Variants in NPAS3 observed in about 807,000 individuals in gnomAD.
NPAS3 encodes neuronal PAS domain-containing protein 3.
In NPAS3, 14 loss-of-function variants were observed where a neutral mutation model predicts 73.1. The ratio of observed to expected loss-of-function variants is 0.19; its 90% CI spans 0.13 to 0.30. The LOEUF is 0.30. Among genes scored for constraint, NPAS3 ranks in the 10% least tolerant of loss-of-function variants. The pLI is 1.00. For synonymous variants in NPAS3, 620 were observed against 541.5 expected (o/e 1.14, Z -2.01); for missense variants, 1,096 against 1,250.0 (o/e 0.88, Z 1.86).
At chr14:33,027,905 T>G (rs76184462) in intron 1 of NPAS3, among the ~76,000 whole-genome samples, 3,777 of 152,268 alleles carry the variant, frequency 0.025, 157 homozygotes, top group African/African-American at 0.087. Context: ...TTCCTGTGCC[T>G]TCTTTTGTAT....
chr14:33,585,710 A>C (rs142919145), intron 5 of NPAS3, among the ~76,000 whole-genome samples: 1 of 152,196 alleles, frequency 6.6e-6, no homozygotes, highest in South Asian at 2.1e-4. Flanking sequence ...TAATGTTCCA[A>C]AGGGTTTACC....
At chr14:33,489,021 G>T (rs1035199230) in intron 4 of NPAS3, among the ~76,000 whole-genome samples, 2 of 152,130 alleles carry the variant, frequency 1.3e-5, no homozygotes, top group Non-Finnish European at 2.9e-5. Context: ...CCCTTAACTC[G>T]CTTTGAAGGT....
At chr14:33,392,148 A>C (rs375915191) in intron 4 of NPAS3, among the ~76,000 whole-genome samples, 1 of 152,232 alleles carries the variant, frequency 6.6e-6, no homozygotes, top group Non-Finnish European at 1.5e-5. Flanking sequence ...ACATGTGGGC[A>C]TCATCCCTCT....
chr14:33,202,622 C>T (rs1473600191), intron 2 of NPAS3, among the ~76,000 whole-genome samples: 1 of 151,658 alleles, frequency 6.6e-6, no homozygotes, highest in Non-Finnish European at 1.5e-5. Context: ...AAATTTCTTA[C>T]ACTGAGTATG....
chr14:33,726,652 TA>T (rs2061275030), intron 6 of NPAS3, among the ~76,000 whole-genome samples: 1 of 152,132 alleles, frequency 6.6e-6, no homozygotes, highest in African/African-American at 2.4e-5. Flanking sequence ...GAAATTATTG[TA>T]TCTATTTTTG....
chr14:33,659,794 G>T (rs551215892), intron 5 of NPAS3, among the ~76,000 whole-genome samples: 1 of 152,172 alleles, frequency 6.6e-6, no homozygotes, highest in East Asian at 1.9e-4. Context: ...TTGGGATTCT[G>T]TTGCTTTGTT....
chr14:33,741,457 T>A (rs1441185699), intron 7 of NPAS3, among the ~76,000 whole-genome samples: 1 of 152,188 alleles, frequency 6.6e-6, no homozygotes, highest in Non-Finnish European at 1.5e-5. Context: ...GTTATCCTGA[T>A]GAAAAATGCA....
At chr14:33,757,937 T>C (rs2062165711) in intron 7 of NPAS3, among the ~76,000 whole-genome samples, 1 of 152,208 alleles carries the variant, frequency 6.6e-6, no homozygotes, top group African/African-American at 2.4e-5. Flanking sequence ...TCAACACAGA[T>C]GGACTCTGAG....
At chr14:33,025,693 G>A (rs951296895) in intron 1 of NPAS3, among the ~76,000 whole-genome samples, 16 of 152,098 alleles carry the variant, frequency 1.1e-4, no homozygotes, top group African/African-American at 3.4e-4. Flanking sequence ...AAATTCTCAC[G>A]AGATCTGATG....
intron 4 of NPAS3, among the ~76,000 whole-genome samples, chr14:33,520,530 T>C (rs2053509896): frequency 6.6e-6 from 1 of 152,106 alleles, no homozygotes; most frequent in African/African-American, 2.4e-5. Context: ...TAAAGTTCTG[T>C]CAGATGATGT....
At chr14:33,543,983 A>ATATCTC (rs2054649654) in intron 4 of NPAS3, among the ~76,000 whole-genome samples, 1 of 36,660 alleles carries the variant, frequency 2.7e-5, no homozygotes, top group African/African-American at 2.6e-4. Context: ...ATATATATAT[A>ATATCTC]TATATATATA....
intron 4 of NPAS3, among the ~76,000 whole-genome samples, chr14:33,470,139 C>T (rs2050717667): frequency 6.6e-6 from 1 of 152,152 alleles, no homozygotes. Flanking sequence ...AGTCAAGGTC[C>T]TAAGACAAAG....
chr14:33,188,811 A>G (rs2046070636), intron 2 of NPAS3, among the ~76,000 whole-genome samples: 2 of 152,192 alleles, frequency 1.3e-5, no homozygotes, highest in South Asian at 4.1e-4. Context: ...TTACAGAATT[A>G]CTGTGGGTTA....
At chr14:33,684,577 C>T (rs1290767234) in intron 6 of NPAS3, among the ~76,000 whole-genome samples, 1 of 152,184 alleles carries the variant, frequency 6.6e-6, no homozygotes, top group Non-Finnish European at 1.5e-5. Flanking sequence ...GGATTATAGG[C>T]ATAAGCCGCC....
chr14:33,058,930 T>C (rs1327956704), intron 2 of NPAS3, among the ~76,000 whole-genome samples: 2 of 152,214 alleles, frequency 1.3e-5, no homozygotes, highest in Non-Finnish European at 2.9e-5. Context: ...GTCAGTCTTA[T>C]GAAAAGGGTT....
Position 33,560,212 on chromosome 14 carries a change from T to C in NPAS3, c.558+2T>C. The C allele has an allele frequency of 1.2e-6, 1 of 863,306 alleles. No individual in the cohort carries two copies. The highest frequency in any genetic ancestry group is 2.0e-6 in the Non-Finnish European group (1 of 497,118). The allele number at this position is 863,306 out of a possible 1,614,324, so 53.5% of individuals were successfully genotyped here. A position where few individuals can be genotyped will look rare whatever the true frequency, so the allele number is the denominator to read the frequency against. On this transcript the variant is annotated splice_donor_variant, in intron 5 of 11. Transcript: ENST00000356141. LOFTEE classifies it high-confidence loss of function. ...TCCATCTACCTAGGCCTCTCACAAG[T>C]AAGTAAAACAATTTTAGATTCTTGG... is the stretch of plus-strand genomic sequence containing the variant.
intron 4 of NPAS3, among the ~76,000 whole-genome samples, chr14:33,388,319 G>T (rs1313351998): frequency 6.6e-6 from 1 of 152,194 alleles, no homozygotes; most frequent in African/African-American, 2.4e-5. Context: ...AGTAGAGGGG[G>T]TGCAGATATT....
chr14:33,715,445 T>C (rs2060931350), intron 6 of NPAS3, among the ~76,000 whole-genome samples: 1 of 152,176 alleles, frequency 6.6e-6, no homozygotes, highest in Non-Finnish European at 1.5e-5. Flanking sequence ...AGCATTGGGC[T>C]GGGAGTAAGG....
chr14:33,278,736 C>T (rs535497611), intron 3 of NPAS3, among the ~76,000 whole-genome samples: 1 of 152,140 alleles, frequency 6.6e-6, no homozygotes, highest in South Asian at 2.1e-4. Context: ...GGAAAGTAAA[C>T]AGATTTTAAA....
Sources: gnomAD v4.1 joint callset for allele counts (sites outside exome capture counted in the v4.1 genomes callset) on GRCh38, gnomAD v4.1.1 for gene constraint, MANE v1.5 for transcripts, NCBI Gene and HGNC (gene_info 2026-07-23, HGNC 2026-07-21) for gene names.